GPM6A: variants seen among roughly 807,000 people sequenced by gnomAD.
GPM6A encodes the protein glycoprotein M6A.
A neutral mutation model predicts 32.1 loss-of-function variants in GPM6A; 7 were observed. That is an observed-to-expected ratio of 0.22 (90% CI 0.12 to 0.41). The LOEUF is 0.41. Among genes scored for constraint, GPM6A ranks in the 10% least tolerant of loss-of-function variants. The pLI is 1.00. For missense variants in GPM6A, 235 were observed against 347.2 expected (o/e 0.68, Z 2.57); for synonymous variants, 130 against 123.4 (o/e 1.05, Z -0.35).
intron 3 of GPM6A, among the ~76,000 whole-genome samples, chr4:175,656,642 T>A (rs1388884594): frequency 3.3e-5 from 5 of 152,156 alleles, no homozygotes; most frequent in African/African-American, 1.2e-4. Context: ...CCATTGAGAT[T>A]GCAGTGTATT....
Position 175,991,327 on chromosome 4 carries a change from C to T in GPM6A, c.-23+10982G>A, listed in dbSNP as rs746547253. The stretch of plus-strand genomic sequence containing the variant: ...CTGACCTCAAGTGATCCACCCGCCT[C>T]GGCCTCCCAAAGTACTTGGATTACA... On this transcript the variant is annotated intron_variant, in intron 1 of 7. Coordinates refer to the GPM6A transcript ENST00000280187. Among the ~76,000 whole-genome samples, 6 of 151,598 alleles carry T rather than the reference C, an allele frequency of 4.0e-5. No homozygotes were observed. The East Asian group carries it at 5.8e-4, about 15-fold the overall frequency.
intron 1 of GPM6A, among the ~76,000 whole-genome samples, chr4:175,732,614 G>A (rs886268715): frequency 2.6e-4 from 39 of 152,002 alleles, no homozygotes; most frequent in Admixed American, 4.6e-4. Context: ...CTTTAAAAAC[G>A]TACAAATAAT....
chr4:175,756,117 T>C (rs1732515411), intron 1 of GPM6A, among the ~76,000 whole-genome samples: 1 of 152,100 alleles, frequency 6.6e-6, no homozygotes, highest in South Asian at 2.1e-4. Flanking sequence ...GATTAAGATC[T>C]AGCATGTTCT....
intron 1 of GPM6A, among the ~76,000 whole-genome samples, chr4:175,832,119 A>G (rs1482279181): frequency 1.1e-4 from 2 of 17,704 alleles, no homozygotes; most frequent in Non-Finnish European, 3.9e-4. Flanking sequence ...CGGATTGCCA[A>G]CTCCCTGGCT....
chr4:175,637,311 TAATATAAAA>T (rs1740752158), intron 6 of GPM6A, among the ~76,000 whole-genome samples: 2 of 20,574 alleles, frequency 9.7e-5, no homozygotes, highest in African/African-American at 3.3e-4. Flanking sequence ...ATATTATATA[TAATATAAAA>T]TATATATTAT....
intron 4 of GPM6A, among the ~76,000 whole-genome samples, chr4:175,651,411 C>G (rs1206366245): frequency 3.3e-5 from 5 of 151,848 alleles, no homozygotes; most frequent in African/African-American, 1.2e-4. Context: ...AGATGCTGCC[C>G]TCCCATTTCA....
chr4:175,787,481 T>A, intron 1 of GPM6A: 1 of 1,493,722 alleles, frequency 6.7e-7, no homozygotes, highest in Non-Finnish European at 8.9e-7. Flanking sequence ...AATTGTTTTT[T>A]TAAGTCACTA....
intron 1 of GPM6A, among the ~76,000 whole-genome samples, chr4:175,933,735 A>G (rs746631167): frequency 1.4e-4 from 22 of 152,192 alleles, no homozygotes; most frequent in East Asian, 1.9e-4. Context: ...TAGTGGAGAC[A>G]GGGTTTCACC....
chr4:175,968,404 A>T (rs1017034796), intron 1 of GPM6A, among the ~76,000 whole-genome samples: 1 of 152,182 alleles, frequency 6.6e-6, no homozygotes, highest in African/African-American at 2.4e-5. Flanking sequence ...CATATGACTC[A>T]TGAAAGAAAA....
intron 1 of GPM6A, among the ~76,000 whole-genome samples, chr4:175,847,385 T>C (rs1736123094): frequency 6.6e-6 from 1 of 152,164 alleles, no homozygotes. Context: ...TTCATAAGTT[T>C]TAAATCGTGC....
chr4:175,888,320 C>A (rs1018798002), intron 1 of GPM6A, among the ~76,000 whole-genome samples: 1 of 151,962 alleles, frequency 6.6e-6, no homozygotes, highest in Non-Finnish European at 1.5e-5. Context: ...GTCCTAATCT[C>A]TTAATGATTA....
chr4:175,962,326 C>A lies in GPM6A; in HGVS notation c.-23+39983G>T. 4.4e-6 allele frequency: 4 copies of A among 917,916 alleles called. No homozygotes were observed. In the South Asian group the frequency reaches 5.2e-5, roughly 12 times the overall value. The allele number at this position is 917,916 out of a possible 1,614,324, so 56.9% of individuals were successfully genotyped here. On this transcript the variant is annotated intron_variant, in intron 1 of 7. Transcript: ENST00000280187. Reference sequence around the variant, plus strand: ...GTGAGTTTACTGGGTCCTGTGGCCACTCCTGAACATCAGCTTCTTAAGACT... The same window carrying A: ...GTGAGTTTACTGGGTCCTGTGGCCAATCCTGAACATCAGCTTCTTAAGACT...
intron 1 of GPM6A, among the ~76,000 whole-genome samples, chr4:175,877,903 C>T (rs539797464): frequency 1.3e-5 from 2 of 152,292 alleles, no homozygotes; most frequent in South Asian, 2.1e-4. Flanking sequence ...AAAATCAAAG[C>T]AAGTTAGTTA....
Position 175,907,363 on chromosome 4 carries a change from G to C in GPM6A, c.-23+94946C>G, listed in dbSNP as rs181351883. On this transcript the variant is annotated intron_variant, in intron 1 of 7. Transcript: ENST00000280187. ...TCTCCTTGTCTCTCATTAAATTGCT[G>C]GTCTCAAAACCGCATCTGTTTGAAG... The C allele has an allele frequency of 3.9e-5, 6 of 152,022 alleles. No individual in the cohort carries two copies. In the East Asian group the frequency reaches 9.6e-4, roughly 24 times the overall value. The allele number at this position is 152,022 out of a possible 1,614,324, so 9.4% of individuals were successfully genotyped here. A position where few individuals can be genotyped will look rare whatever the true frequency, so the allele number is the denominator to read the frequency against.
chr4:175,977,294 T>TAAA (rs1740691795), intron 1 of GPM6A, among the ~76,000 whole-genome samples: 2 of 152,326 alleles, frequency 1.3e-5, no homozygotes, highest in South Asian at 4.1e-4. Flanking sequence ...CTACAATGGA[T>TAAA]AAAACAGTCA....
intron 1 of GPM6A, among the ~76,000 whole-genome samples, chr4:175,945,000 A>G (rs1739543352): frequency 6.6e-6 from 1 of 152,128 alleles, no homozygotes; most frequent in African/African-American, 2.4e-5. Context: ...AAATAATTAG[A>G]GCAGTTTCAA....
At chr4:175,817,153 G>A (rs1405763929), upstream of GPM6A, among the ~76,000 whole-genome samples, 3 of 152,116 alleles carry the variant, frequency 2.0e-5, no homozygotes, top group Non-Finnish European at 4.4e-5. Context: ...CCACCGCCCC[G>A]CGGCCAACAT....
chr4:175,866,768 T>C (rs1024128644), intron 1 of GPM6A, among the ~76,000 whole-genome samples: 13 of 152,202 alleles, frequency 8.5e-5, no homozygotes, highest in Admixed American at 5.9e-4. Flanking sequence ...CCAACTTCTT[T>C]GGGAAAATAT....
intron 1 of GPM6A, among the ~76,000 whole-genome samples, chr4:175,986,973 G>T (rs1443287885): frequency 2.0e-5 from 3 of 152,070 alleles, no homozygotes; most frequent in Non-Finnish European, 4.4e-5. Flanking sequence ...CATAAGTCAG[G>T]CAAATCATTT....
Sources: allele counts gnomAD v4.1 joint callset (sites outside exome capture counted in the v4.1 genomes callset), GRCh38; gene constraint gnomAD v4.1.1; transcripts MANE v1.5; gene names NCBI Gene and HGNC (gene_info 2026-07-23, HGNC 2026-07-21).